The following RARB variants were observed in gnomAD, a reference collection of about 807,000 sequenced individuals.
The protein encoded by RARB is HBV-activated protein.
A neutral mutation model predicts 51.9 loss-of-function variants in RARB; 17 were observed. That is an observed-to-expected ratio of 0.33 (90% CI 0.22 to 0.49). The LOEUF (loss-of-function observed/expected upper bound fraction) is 0.49, where lower values mean the gene tolerates loss of function less well. RARB is among the 20% of genes least tolerant of loss of function. RARB has a pLI of 0.99. For synonymous variants in RARB, 215 were observed against 195.4 expected, an observed-to-expected ratio of 1.10 and a Z score of -0.84; for missense variants, 369 against 550.8, an observed-to-expected ratio of 0.67 and a Z score of 3.30.
chr3:24,925,860 A>G (rs940543770), intron 2 of RARB, among the ~76,000 whole-genome samples: 2 of 151,748 alleles, frequency 1.3e-5, no homozygotes, highest in Non-Finnish European at 2.9e-5. Context: ...AATTTTCTCA[A>G]CCTTCCCATT....
At chr3:25,539,592 T>C (rs1212476758) in intron 3 of RARB, among the ~76,000 whole-genome samples, 22 of 146,198 alleles carry the variant, frequency 1.5e-4, no homozygotes, top group Admixed American at 4.8e-4. Context: ...TTTTTTTTTT[T>C]CTCTTGTTTT....
intron 2 of RARB, among the ~76,000 whole-genome samples, chr3:24,900,597 T>C (rs970289826): frequency 4.6e-5 from 7 of 152,180 alleles, no homozygotes; most frequent in African/African-American, 1.7e-4. Context: ...CAGTATTGTT[T>C]TGCTTAATAA....
At chr3:25,324,819 T>C (rs979695302) in intron 5 of RARB, among the ~76,000 whole-genome samples, 44 of 152,274 alleles carry the variant, frequency 2.9e-4, no homozygotes, top group Non-Finnish European at 5.3e-4. Context: ...GCCCTGCCTT[T>C]TCCTCTCCCC....
At chr3:25,283,359 T>C (rs1027184127) in intron 5 of RARB, among the ~76,000 whole-genome samples, 1 of 152,104 alleles carries the variant, frequency 6.6e-6, no homozygotes, top group African/African-American at 2.4e-5. Flanking sequence ...CCATGGCAGG[T>C]CATTTTTGCT....
chr3:25,205,447 A>T (rs1233432820), intron 5 of RARB, among the ~76,000 whole-genome samples: 5 of 152,094 alleles, frequency 3.3e-5, no homozygotes, highest in Non-Finnish European at 5.9e-5. Context: ...CCCACTGTCC[A>T]ACAATCCCCA....
intron 5 of RARB, among the ~76,000 whole-genome samples, chr3:25,177,391 T>C (rs1700776528): frequency 6.6e-6 from 1 of 152,130 alleles, no homozygotes; most frequent in Non-Finnish European, 1.5e-5. Flanking sequence ...CATACTTGGG[T>C]GGAAAAGCTG....
At chr3:25,364,183 C>T (rs1010492101) in intron 5 of RARB, among the ~76,000 whole-genome samples, 2 of 151,914 alleles carry the variant, frequency 1.3e-5, no homozygotes, top group African/African-American at 4.8e-5. Context: ...AATCTGAATT[C>T]CAAAAGGGCA....
chr3:25,175,255 T>C (rs965345532), intron 5 of RARB, among the ~76,000 whole-genome samples: 3 of 152,234 alleles, frequency 2.0e-5, no homozygotes, highest in African/African-American at 7.2e-5. Context: ...TCTGCCTGTT[T>C]AAAGACAAAC....
intron 2 of RARB, among the ~76,000 whole-genome samples, chr3:24,980,427 CT>C (rs1361532564): frequency 1.3e-5 from 2 of 152,180 alleles, no homozygotes; most frequent in African/African-American, 4.8e-5. Flanking sequence ...TAGATTTGGT[CT>C]TTTCACATAG....
chr3:25,145,666 T>C (rs540869568), intron 4 of RARB, among the ~76,000 whole-genome samples: 2 of 152,202 alleles, frequency 1.3e-5, no homozygotes, highest in Non-Finnish European at 2.9e-5. Context: ...CCTGACTTAT[T>C]ACTAGCTAGA....
intron 5 of RARB, among the ~76,000 whole-genome samples, chr3:25,205,598 AT>A (rs768969346): frequency 2.6e-5 from 4 of 152,182 alleles, no homozygotes; most frequent in African/African-American, 4.8e-5. Context: ...CCCAAAAAAA[AT>A]AAATGCTTGA....
intron 5 of RARB, among the ~76,000 whole-genome samples, chr3:25,190,041 T>A (rs1701061864): frequency 6.6e-6 from 1 of 152,104 alleles, no homozygotes; most frequent in Non-Finnish European, 1.5e-5. Context: ...GAGCCTCAGT[T>A]AAGCCCAATT....
At chr3:25,364,294 T>G (rs1245301369) in intron 5 of RARB, among the ~76,000 whole-genome samples, 1 of 152,084 alleles carries the variant, frequency 6.6e-6, no homozygotes, top group Admixed American at 6.6e-5. Context: ...AGTAAGCAAG[T>G]GGACTCATGA....
At chr3:25,138,576 C>T (rs966731083) in intron 4 of RARB, among the ~76,000 whole-genome samples, 1 of 151,920 alleles carries the variant, frequency 6.6e-6, no homozygotes, top group East Asian at 1.9e-4. Flanking sequence ...CATGAATGGA[C>T]ATTTAAAAAC....
At chr3:25,231,361 A>G (rs1406961046) in intron 5 of RARB, among the ~76,000 whole-genome samples, 6 of 152,174 alleles carry the variant, frequency 3.9e-5, no homozygotes, top group Admixed American at 6.5e-5. Context: ...TTTCCTGTTT[A>G]GAAGCACCAA....
intron 3 of RARB, among the ~76,000 whole-genome samples, chr3:25,114,175 C>T (rs1182248936): frequency 6.6e-6 from 1 of 152,128 alleles, no homozygotes; most frequent in Non-Finnish European, 1.5e-5. Context: ...TGTTTAAAGC[C>T]TTTTCTGTTC....
At chr3:25,334,835 T>A (rs1321725381) in intron 5 of RARB, among the ~76,000 whole-genome samples, 3 of 152,238 alleles carry the variant, frequency 2.0e-5, no homozygotes, top group African/African-American at 7.2e-5. Context: ...TATGTATGTA[T>A]ATTACTTTCA....
intron 5 of RARB, among the ~76,000 whole-genome samples, chr3:25,306,056 T>G (rs1704145169): frequency 6.6e-6 from 1 of 152,162 alleles, no homozygotes; most frequent in South Asian, 2.1e-4. Flanking sequence ...TAGCCTGGCC[T>G]GTCCTCCGCT....
At chr3:25,216,224 C>T (rs545141958) in intron 5 of RARB, among the ~76,000 whole-genome samples, 1 of 152,152 alleles carries the variant, frequency 6.6e-6, no homozygotes, top group African/African-American at 2.4e-5. Flanking sequence ...AATCCTCTCC[C>T]CCACAAGAGG....
Sources: allele counts gnomAD v4.1 joint callset (sites outside exome capture counted in the v4.1 genomes callset), GRCh38; gene constraint gnomAD v4.1.1; transcripts MANE v1.5; gene names NCBI Gene and HGNC (gene_info 2026-07-23, HGNC 2026-07-21).